TRPM3: variants seen among roughly 807,000 people sequenced by gnomAD.
The protein encoded by TRPM3 is long transient receptor potential channel 3.
Under a neutral mutation model 181.2 loss-of-function variants are expected in TRPM3, and 77 were observed. That is an observed-to-expected ratio of 0.42 (90% CI 0.35 to 0.51). The LOEUF is 0.51. Among genes scored for constraint, TRPM3 ranks in the 20% least tolerant of loss-of-function variants. The pLI, the probability that TRPM3 is intolerant of heterozygous loss-of-function variation, is 0.01. For synonymous variants in TRPM3, 745 were observed against 796.4 expected (o/e 0.94, Z 1.09); for missense variants, 1,759 against 2,196.7 (o/e 0.80, Z 3.98).
chr9:70,982,902 T>C (rs1459291179), intron 1 of TRPM3, among the ~76,000 whole-genome samples: 1 of 152,152 alleles, frequency 6.6e-6, no homozygotes, highest in Non-Finnish European at 1.5e-5. Context: ...GGTTTCGCCA[T>C]GTTGGCCAGG....
intron 1 of TRPM3, among the ~76,000 whole-genome samples, chr9:71,058,559 C>G (rs1175618946): frequency 3.3e-5 from 5 of 151,988 alleles, no homozygotes; most frequent in Non-Finnish European, 7.4e-5. Flanking sequence ...CCCTGCCTAT[C>G]TTTGGAGACA....
At chr9:71,280,406 G>A (rs1360002295) in intron 1 of TRPM3, among the ~76,000 whole-genome samples, 2 of 152,118 alleles carry the variant, frequency 1.3e-5, no homozygotes, top group East Asian at 1.9e-4. Context: ...TGTATGTTAT[G>A]TGTGATGCTA....
intron 5 of TRPM3, among the ~76,000 whole-genome samples, chr9:70,840,174 C>A (rs564724632): frequency 4.8e-4 from 73 of 152,224 alleles, no homozygotes; most frequent in Middle Eastern, 3.4e-3. Context: ...AAAAATAGTA[C>A]TTTCATTCCA....
At chr9:71,287,982 G>C (rs1038078090) in intron 1 of TRPM3, among the ~76,000 whole-genome samples, 25 of 152,040 alleles carry the variant, frequency 1.6e-4, no homozygotes, top group African/African-American at 6.0e-4. Flanking sequence ...AACTTCTAGA[G>C]GGCAGCAGAT....
chr9:71,226,079 T>G (rs917923926), intron 1 of TRPM3, among the ~76,000 whole-genome samples: 3 of 151,122 alleles, frequency 2.0e-5, no homozygotes, highest in Non-Finnish European at 2.9e-5. Flanking sequence ...TAGTTTTTTT[T>G]TGTGGTTTAT....
intron 6 of TRPM3, among the ~76,000 whole-genome samples, chr9:70,797,862 G>A (rs572798890): frequency 6.6e-6 from 1 of 152,300 alleles, no homozygotes; most frequent in South Asian, 2.1e-4. Flanking sequence ...AGTGAGGTGA[G>A]CAGGTGAAGA....
At chr9:70,983,429 T>A (rs2097385294) in intron 1 of TRPM3, among the ~76,000 whole-genome samples, 1 of 152,102 alleles carries the variant, frequency 6.6e-6, no homozygotes, top group Non-Finnish European at 1.5e-5. Context: ...GGCATCAAAC[T>A]CATTCTATTC....
chr9:71,395,176 C>T (rs1455092824), intron 1 of TRPM3, among the ~76,000 whole-genome samples: 2 of 152,186 alleles, frequency 1.3e-5, no homozygotes, highest in Non-Finnish European at 2.9e-5. Flanking sequence ...TCCTGCACAG[C>T]TCAAGTCCAC....
At chr9:70,882,031 G>A (rs1307905077) in intron 1 of TRPM3, among the ~76,000 whole-genome samples, 1 of 152,174 alleles carries the variant, frequency 6.6e-6, no homozygotes, top group South Asian at 2.1e-4. Context: ...GTGCTAGGAA[G>A]TTATTCTTAG....
chr9:70,636,056 C>A (rs2133485224), intron 11 of TRPM3, among the ~76,000 whole-genome samples: 1 of 152,264 alleles, frequency 6.6e-6, no homozygotes, highest in South Asian at 2.1e-4. Context: ...CCAACTTTTT[C>A]TGTAAAAGGC....
chr9:71,032,104 T>G (rs1490505996), intron 1 of TRPM3, among the ~76,000 whole-genome samples: 3 of 94,324 alleles, frequency 3.2e-5, no homozygotes, highest in African/African-American at 1.2e-4. Flanking sequence ...TATAATATTA[T>G]ATATATTATA....
intron 1 of TRPM3, among the ~76,000 whole-genome samples, chr9:71,377,282 C>G (rs2092689330): frequency 6.6e-6 from 1 of 151,972 alleles, no homozygotes; most frequent in African/African-American, 2.4e-5. Flanking sequence ...TAAAAGCCCT[C>G]TAAGAAATTA....
chr9:71,214,680 A>C (rs1293940159), intron 1 of TRPM3, among the ~76,000 whole-genome samples: 1 of 152,170 alleles, frequency 6.6e-6, no homozygotes, highest in East Asian at 1.9e-4. Flanking sequence ...TACACTATCA[A>C]ACCTCCTTTA....
At position 70,862,977 on chromosome 9, in the gene TRPM3, A is replaced by G; in HGVS notation, c.393T>C (p.Thr131=). ...QSEKWSISKH[T]QLSPTDAFGT... ...CAAAAGCATCCGTAGGGCTGAGTTGAGTGTGTTTGCTGATGGACCACTTTT... is the reference window on the plus strand; with the variant it reads ...CAAAAGCATCCGTAGGGCTGAGTTGGGTGTGTTTGCTGATGGACCACTTTT... The change falls in exon 3 of 26, where the codon ACT becomes ACC. Residue 131 remains threonine (T), a synonymous_variant. Transcript: ENST00000677713. The G allele has an allele frequency of 6.2e-7, 1 of 1,613,696 alleles. No homozygotes were observed. Among genetic ancestry groups the G allele is most frequent in the Non-Finnish European group, 8.5e-7 (1 of 1,179,744 alleles).
intron 1 of TRPM3, among the ~76,000 whole-genome samples, chr9:71,099,156 C>G (rs570891873): frequency 1.3e-5 from 2 of 152,270 alleles, no homozygotes; most frequent in South Asian, 4.1e-4. Context: ...GATGAAGGCA[C>G]TGGCAGATTT....
intron 1 of TRPM3, among the ~76,000 whole-genome samples, chr9:71,341,778 G>A (rs921503752): frequency 6.6e-6 from 1 of 151,840 alleles, no homozygotes; most frequent in African/African-American, 2.4e-5. Context: ...TTTTCCTATG[G>A]TTATGTAAGA....
intron 6 of TRPM3, among the ~76,000 whole-genome samples, chr9:70,790,960 G>T (rs1435773658): frequency 1.3e-5 from 2 of 152,180 alleles, no homozygotes; most frequent in African/African-American, 4.8e-5. Context: ...GAGGAGCAGA[G>T]TGAGCCCAAG....
chr9:70,849,227 C>T (rs951572988), intron 3 of TRPM3, among the ~76,000 whole-genome samples: 3 of 152,230 alleles, frequency 2.0e-5, no homozygotes, highest in Admixed American at 6.5e-5. Flanking sequence ...TTACTGCAAC[C>T]TTTGCCTCCT....
At chr9:71,376,617 A>G (rs1366065103) in intron 1 of TRPM3, among the ~76,000 whole-genome samples, 4 of 152,050 alleles carry the variant, frequency 2.6e-5, no homozygotes, top group Admixed American at 2.0e-4. Flanking sequence ...TAGGGGTTCA[A>G]TAACTGTTAG....
Sources: allele counts gnomAD v4.1 joint callset (sites outside exome capture counted in the v4.1 genomes callset), GRCh38; gene constraint gnomAD v4.1.1; transcripts MANE v1.5; gene names NCBI Gene and HGNC (gene_info 2026-07-23, HGNC 2026-07-21).